Variants in ST3GAL1 observed in about 807,000 individuals in gnomAD.
The protein encoded by ST3GAL1 is CMP-N-acetylneuraminate-beta-galactosamide-alpha-2,3-sialyltransferase 1.
In ST3GAL1, 16 loss-of-function variants were observed where a neutral mutation model predicts 34.1. That is an observed-to-expected ratio of 0.47 (90% CI 0.32 to 0.71). The LOEUF is 0.71. Ranked by LOEUF, ST3GAL1 falls within the 30% of genes least tolerant of loss-of-function variation. The probability of loss-of-function intolerance (pLI) is 0.04; values close to 1 mark genes in which losing one functional copy is unlikely to be tolerated. For missense variants in ST3GAL1, 353 were observed against 447.4 expected (o/e 0.79, Z 1.90); for synonymous variants, 191 against 184.7 (o/e 1.03, Z -0.28).
intron 1 of ST3GAL1, among the ~76,000 whole-genome samples, chr8:133,564,331 G>T (rs1199659852): frequency 6.6e-6 from 1 of 152,136 alleles, no homozygotes; most frequent in African/African-American, 2.4e-5. Flanking sequence ...TACACACTTT[G>T]TTGCTTCTGG....
At chr8:133,489,598 C>T (rs1816725808) in intron 3 of ST3GAL1, 1 of 152,282 alleles carries the variant, frequency 6.6e-6, no homozygotes, top group Non-Finnish European at 1.5e-5. Context: ...AGGGATGGCA[C>T]CAGGGGATCC....
chr8:133,455,644 C>T lies in ST3GAL1; in HGVS notation c.*4120G>A, dbSNP rs935898003. The T allele has an allele frequency of 1.3e-5, 2 of 152,220 alleles. No individual in the cohort carries two copies. Among genetic ancestry groups the T allele is most frequent in the African/African-American group, 4.8e-5 (2 of 41,378 alleles). 9.4% of individuals were successfully genotyped at this position (152,220 alleles called of 1,614,324 possible). ...ATGTCTGCGATGGATATAATGATACCCCCGGGGCTCTTCTCAGGGGTGAGG... is the reference window on the plus strand; with the variant it reads ...ATGTCTGCGATGGATATAATGATACTCCCGGGGCTCTTCTCAGGGGTGAGG... On this transcript the variant is annotated 3_prime_UTR_variant, in exon 10 of 10. Transcript: ENST00000522652.
At chr8:133,463,291 AG>A (rs1815581635) in intron 8 of ST3GAL1, 122 bp downstream of exon 8, 8 of 1,071,504 alleles carry the variant, frequency 7.5e-6, no homozygotes, top group African/African-American at 1.6e-5. Context: ...GCTAAGTGGG[AG>A]ATGCTACCTC....
chr8:133,525,011 G>T (rs539682130), intron 2 of ST3GAL1, among the ~76,000 whole-genome samples: 1 of 152,326 alleles, frequency 6.6e-6, no homozygotes, highest in East Asian at 1.9e-4. Flanking sequence ...AGGGAGGAGG[G>T]TGTGTTTCAG....
intron 2 of ST3GAL1, among the ~76,000 whole-genome samples, chr8:133,519,014 G>A (rs1034326311): frequency 4.6e-5 from 7 of 152,138 alleles, no homozygotes; most frequent in African/African-American, 1.7e-4. Context: ...GCCCCTCGGA[G>A]GTGCAAACGT....
At chr8:133,540,904 T>TAGACATATATAG (rs1563734176) in intron 2 of ST3GAL1, among the ~76,000 whole-genome samples, 6 of 125,012 alleles carry the variant, frequency 4.8e-5, no homozygotes, top group African/African-American at 1.3e-4. Context: ...GACATATATA[T>TAGACATATATAG]AGACATATAT....
chr8:133,534,730 C>T (rs1295383011), intron 2 of ST3GAL1, among the ~76,000 whole-genome samples: 1 of 152,200 alleles, frequency 6.6e-6, no homozygotes, highest in Non-Finnish European at 1.5e-5. Context: ...AGGCATGTGT[C>T]CAGGCCAGTA....
intron 1 of ST3GAL1, among the ~76,000 whole-genome samples, chr8:133,552,803 A>G (rs1818899668): frequency 6.6e-6 from 1 of 152,226 alleles, no homozygotes; most frequent in Non-Finnish European, 1.5e-5. Context: ...TCGCTGGAAG[A>G]GCTATTATCA....
chr8:133,540,834 TAG>T (rs1380286373), intron 2 of ST3GAL1, among the ~76,000 whole-genome samples: 982 of 75,530 alleles, frequency 0.013, 96 homozygotes, highest in African/African-American at 0.043. Context: ...GACATATATA[TAG>T]AGAGACATAT....
At chr8:133,471,059 A>G (rs1306814104) in intron 5 of ST3GAL1, among the ~76,000 whole-genome samples, 1 of 151,996 alleles carries the variant, frequency 6.6e-6, no homozygotes, top group African/African-American at 2.4e-5. Context: ...TCGCCTTCTG[A>G]GAAGCCTCCC....
chr8:133,477,066 C>T (rs527555596), intron 3 of ST3GAL1, among the ~76,000 whole-genome samples: 42 of 152,330 alleles, frequency 2.8e-4, no homozygotes, highest in Middle Eastern at 6.8e-3. Context: ...TGCCAATTGG[C>T]CTCAGTTCCA....
At position 133,467,698 on chromosome 8, in the gene ST3GAL1, G is replaced by A. The variant is rs1815795135; in HGVS notation, c.307-1608C>T. ...CCAGGGGCAAGGGGTGGCTGGGAGA[G>A]GAAGGAGTGGCCAGCAGTGGCTTTG... On this transcript the variant is annotated intron_variant, in intron 5 of 9. Transcript: ENST00000522652. The surrounding 1 kb of genome is among the most constrained non-coding windows in gnomAD (Gnocchi z 4.2). Among the ~76,000 whole-genome samples, 1 of 152,194 alleles carries A rather than the reference G, an allele frequency of 6.6e-6. No individual in the cohort carries two copies. Among genetic ancestry groups the A allele is most frequent in the Non-Finnish European group, 1.5e-5 (1 of 68,034 alleles).
chr8:133,459,844 C>T lies in ST3GAL1; in HGVS notation c.943G>A (p.Val315Met), dbSNP rs1255671700. 1.2e-6 allele frequency: 2 copies of T among 1,613,988 alleles called. No individual in the cohort carries two copies. The highest frequency in any genetic ancestry group is 1.7e-6 in the Non-Finnish European group (2 of 1,180,006). Reference protein sequence around the residue: ...PSAGAFRKTGVHDADFESNVT... With the variant: ...PSAGAFRKTGMHDADFESNVT... ...TTAGACTCAAAGTCTGCATCGTGCA[C>T]CCCCGTCTTGCGAAAAGCCCCCGCG... is the stretch of plus-strand genomic sequence containing the variant. The change falls in exon 10 of 10, where the codon GTG (valine) becomes ATG (methionine). Residue 315 changes from valine (V) to methionine (M), a missense_variant. Transcript: ENST00000522652. The surrounding 1 kb of genome is among the most constrained non-coding windows in gnomAD (Gnocchi z 4.7).
rs139361628 is a variant in ST3GAL1, at chr8:133,475,980, G to A, written c.45C>T (p.Leu15=). ...AGGAGGTGAGGAAGATGAAGAGCAC[G>A]AGGAAGGTGAGCACTTTCAGGGTCC... The part of the protein sequence containing the change: ...RKRTLKVLTF[L]VLFIFLTSFF... The change falls in exon 5 of 10, where the codon CTC becomes CTT. Residue 15 remains leucine, a synonymous_variant. Transcript: ENST00000522652. 535 of 1,611,768 alleles carry A rather than the reference G, an allele frequency of 3.3e-4. 3 individuals carry two copies. In the South Asian group the frequency reaches 4.7e-3, roughly 14 times the overall value.
chr8:133,540,286 T>A (rs915393721), intron 2 of ST3GAL1, among the ~76,000 whole-genome samples: 1 of 152,110 alleles, frequency 6.6e-6, no homozygotes, highest in African/African-American at 2.4e-5. Context: ...TTCCAACAGC[T>A]CCTCGCTGCT....
intron 2 of ST3GAL1, among the ~76,000 whole-genome samples, chr8:133,541,148 G>GAC (rs1563734736): frequency 7.7e-6 from 1 of 130,144 alleles, no homozygotes; most frequent in Non-Finnish European, 1.6e-5. Context: ...GAGAGAGAGA[G>GAC]AGAGACTGTG....
At chr8:133,489,285 G>A (rs72720203) in intron 3 of ST3GAL1, among the ~76,000 whole-genome samples, 5,574 of 152,140 alleles carry the variant, frequency 0.037, 122 homozygotes, top group Middle Eastern at 0.065. Context: ...AGGTGACCCC[G>A]CAGACCTAAC....
intron 2 of ST3GAL1, among the ~76,000 whole-genome samples, chr8:133,510,925 C>T (rs1361645061): frequency 1.3e-5 from 2 of 152,198 alleles, no homozygotes; most frequent in Non-Finnish European, 2.9e-5. Context: ...CAATCTTTGG[C>T]TCTTTTTTCC....
intron 2 of ST3GAL1, among the ~76,000 whole-genome samples, chr8:133,540,978 C>CATATATAT (rs1317828898): frequency 1.5e-4 from 3 of 20,406 alleles, no homozygotes; most frequent in African/African-American, 2.7e-4. Context: ...CATATATATG[C>CATATATAT]AGACATATAT....
Sources: allele counts gnomAD v4.1 joint callset (sites outside exome capture counted in the v4.1 genomes callset), GRCh38; gene constraint gnomAD v4.1.1; non-coding constraint Gnocchi (gnomAD v3.1); transcripts MANE v1.5; gene names NCBI Gene and HGNC (gene_info 2026-07-23, HGNC 2026-07-21).